The following PCNX3 variants were observed in gnomAD, a reference collection of about 807,000 sequenced individuals.
PCNX3 encodes the protein pecanex 3.
In PCNX3, 58 loss-of-function variants were observed where a neutral mutation model predicts 207.2. The ratio of observed to expected loss-of-function variants is 0.28; its 90% CI spans 0.23 to 0.35. PCNX3 has a LOEUF of 0.35. Among genes scored for constraint, PCNX3 ranks in the 10% least tolerant of loss-of-function variants. The pLI is 1.00. For synonymous variants in PCNX3, 1,337 were observed against 1,183.5 expected (o/e 1.13, Z -2.66); for missense variants, 2,410 against 2,774.4 (o/e 0.87, Z 2.95).
At chr11:65,624,655 G>T in intron 15 of PCNX3, 74 bp downstream of exon 15, 1 of 1,368,268 alleles carries the variant, frequency 7.3e-7, no homozygotes, top group Non-Finnish European at 1.0e-6. Flanking sequence ...TGGGTCCTTG[G>T]CTCCACCCTT....
In PCNX3 at chr11:65,619,837, C is replaced by CA; in HGVS notation, c.1914dup (p.Leu639ThrfsTer12). On this transcript the variant is annotated frameshift_variant, in exon 8 of 35. Coordinates refer to ENST00000355703, the MANE Select transcript of PCNX3 (RefSeq NM_032223.4). LOFTEE classifies it high-confidence loss of function. ...CCCTCTGCGCTGCATTTCGCCTCTTCACTGTTGCTCACCCGGGCCGGTGCC... is the reference window on the plus strand; with the variant it reads ...CCCTCTGCGCTGCATTTCGCCTCTTCAACTGTTGCTCACCCGGGCCGGTGCC... 6.2e-7 allele frequency: 1 copy of CA among 1,607,588 alleles called. No individual in the cohort carries two copies. Among genetic ancestry groups the CA allele is most frequent in the Non-Finnish European group, 8.5e-7 (1 of 1,179,018 alleles).
intron 29 of PCNX3, 30 bp downstream of exon 29, chr11:65,634,671 C>T: frequency 6.6e-7 from 1 of 1,522,596 alleles, no homozygotes; most frequent in East Asian, 2.4e-5. Context: ...GCGGGGCCTA[C>T]TGCCGTCCCC....
Position 65,619,574 on chromosome 11 carries a change from T to A in PCNX3, c.1743T>A (p.Ser581Arg). The change falls in exon 7 of 35, where the codon AGT becomes AGA. Residue 581 changes from serine to arginine, a missense_variant. Coordinates refer to ENST00000355703, the MANE Select transcript of PCNX3 (RefSeq NM_032223.4). ...CTGGCAGGCGGGACCGCTCAAGCAG[T>A]GTGAGGCGGACCCAGGCCATTCGGA... ...EETGRRDRSS[S>R]VRRTQAIRRR... 1 of 1,609,554 alleles carries A rather than the reference T, an allele frequency of 6.2e-7. No homozygotes were observed. The highest frequency in any genetic ancestry group is 8.5e-7 in the Non-Finnish European group (1 of 1,179,330).
chr11:65,636,766 G>T lies in PCNX3; in HGVS notation c.5893G>T (p.Ala1965Ser), dbSNP rs1159177203. 1.3e-6 allele frequency: 2 copies of T among 1,538,146 alleles called. No individual in the cohort carries two copies. ...SPKGGTPKSQ[A>S]PLDLSLSLSL... ...CGCCAACCTCTCCCCCCTCCCCCAG[G>T]CGCCTCTAGACCTCAGCCTCAGCCT... is the stretch of plus-strand genomic sequence containing the variant. Residue 1965 changes from alanine to serine, a missense_variant and splice_region_variant, in exon 35 of 35, where the codon GCG (alanine) becomes TCG (serine). By Grantham distance (99) the Ala-to-Ser change is moderately conservative. This residue lies in a region of PCNX3 where 278 missense variants were observed against 245.1 expected (regional missense o/e 1.13). Transcript: ENST00000355703.
chr11:65,623,468 C>G (rs767283262), intron 11 of PCNX3, 23 bp from the exon 12 acceptor site: 4 of 1,575,778 alleles, frequency 2.5e-6, no homozygotes, highest in Non-Finnish European at 3.4e-6. Flanking sequence ...GACGGGCACG[C>G]CCTGACTAGG....
Position 65,625,702 on chromosome 11 carries a change from C to T in PCNX3, c.3186C>T (p.Leu1062=). The T allele has an allele frequency of 6.2e-6, 10 of 1,612,134 alleles. No homozygotes were observed. The highest frequency in any genetic ancestry group is 8.5e-6 in the Non-Finnish European group (10 of 1,179,798). Residue 1062 remains leucine (L), a synonymous_variant, in exon 19 of 35, where the codon CTC becomes CTT. Coordinates refer to ENST00000355703, the MANE Select transcript of PCNX3 (RefSeq NM_032223.4). The surrounding 1 kb of genome is among the most constrained non-coding windows in gnomAD (Gnocchi z 5.6). ...DLVMCVVIAV[L]TFAISASTVF... is the part of the protein sequence containing the mutation. Reference sequence around the variant, plus strand: ...TGATGTGTGTGGTGATCGCCGTGCTCACCTTCGCCATCAGCGCCAGCACCG... The same window carrying T: ...TGATGTGTGTGGTGATCGCCGTGCTTACCTTCGCCATCAGCGCCAGCACCG...
In PCNX3 at chr11:65,634,583, G is replaced by T; in HGVS notation, c.4747G>T (p.Gly1583Cys). Residue 1583 changes from glycine (G) to cysteine (C), a missense_variant, in exon 29 of 35, where the codon GGC (glycine) becomes TGC (cysteine). Physicochemically the swap from Gly to Cys is radical, Grantham distance 159. Coordinates refer to ENST00000355703, the MANE Select transcript of PCNX3 (RefSeq NM_032223.4). ...WNSPLVTLCF[G>C]LCVLGRRALG... ...CTCCCCGCTGGTCACGCTGTGTTTT[G>T]GCCTGTGTGTGCTGGGCCGCCGGGC... The T allele has an allele frequency of 6.2e-7, 1 of 1,605,398 alleles. No individual in the cohort carries two copies.
chr11:65,624,936 C>G lies in PCNX3; in HGVS notation c.2839C>G (p.Pro947Ala). ...TCCCTTCCACACAGCTGCCACCAGC[C>G]CGCTCACGGCAGTCTTCAGCCTCTC... is the stretch of plus-strand genomic sequence containing the variant. ...HGFGGTAATS[P>A]LTAVFSLSRS... Residue 947 changes from proline (P) to alanine (A), a missense_variant, in exon 16 of 35, where the codon CCG becomes GCG. Around this residue, in one of 8 missense-constraint regions of PCNX3, gnomAD observed 333 missense variants for 386.8 expected, o/e 0.86. Transcript: ENST00000355703. 6.2e-7 allele frequency: 1 copy of G among 1,610,106 alleles called. No homozygotes were observed. The highest frequency in any genetic ancestry group is 8.5e-7 in the Non-Finnish European group (1 of 1,179,000).
chr11:65,624,165 G>C, intron 13 of PCNX3, 30 bp from the exon 14 acceptor site: 3 of 1,588,962 alleles, frequency 1.9e-6, no homozygotes, highest in Non-Finnish European at 2.6e-6. Context: ...CAGTCGGGGA[G>C]ACCCAGCTCC....
Position 65,629,345 on chromosome 11 carries a change from C to G in PCNX3, c.3942-12C>G, listed in dbSNP as rs1260921349. On this transcript the variant is annotated splice_polypyrimidine_tract_variant and intron_variant, in intron 24 of 34. Transcript: ENST00000355703. Reference sequence around the variant, plus strand: ...TCTTGGCCAACCGCCTTGTTGCACTCTCTCTGAACAGCACTAAACGTGTGG... The same window carrying G: ...TCTTGGCCAACCGCCTTGTTGCACTGTCTCTGAACAGCACTAAACGTGTGG... 1 of 1,608,552 alleles carries G rather than the reference C, an allele frequency of 6.2e-7. No individual in the cohort carries two copies. The highest frequency in any genetic ancestry group is 1.7e-5 in the Admixed American group (1 of 59,322).
chr11:65,616,955 C>G lies in PCNX3; in HGVS notation c.285C>G (p.Ser95Arg), dbSNP rs755126435. 8.7e-6 allele frequency: 14 copies of G among 1,613,310 alleles called. No individual in the cohort carries two copies. The Admixed American group carries it at 2.3e-4, about 27-fold the overall frequency. ...AGGGCGAGATCGTGGAGAAGCGCAG[C>G]TCTACCATGGGGGAGCTGGAGGAAG... Reference protein sequence around the residue: ...FDQGEIVEKRSSTMGELEEEP... With the variant: ...FDQGEIVEKRRSTMGELEEEP... Residue 95 changes from serine (S) to arginine (R), a missense_variant, in exon 2 of 35, where the codon AGC becomes AGG. This residue lies in a region of PCNX3 where 1,104 missense variants were observed against 970.3 expected (regional missense o/e 1.14). Transcript: ENST00000355703.
At chr11:65,621,472 C>T (rs1035961252) in intron 10 of PCNX3, among the ~76,000 whole-genome samples, 2 of 152,230 alleles carry the variant, frequency 1.3e-5, no homozygotes, top group African/African-American at 4.8e-5. Context: ...GCTAAAAATG[C>T]GTGAAACGCC....
intron 11 of PCNX3, among the ~76,000 whole-genome samples, chr11:65,622,662 C>T (rs966274886): frequency 6.6e-6 from 1 of 152,208 alleles, no homozygotes; most frequent in Non-Finnish European, 1.5e-5. Context: ...GTGGCATGAT[C>T]TCGGCTCACT....
rs759490324 is a variant in PCNX3, at chr11:65,619,675, A to C, written c.1829+15A>C. On this transcript the variant is annotated intron_variant, in intron 7 of 34. Transcript: ENST00000355703. ...TCGCCGCCCAGGTGAGCACCTTGCC[A>C]GCTGTGCCGAGGGGCACCGGGGGCC... The C allele has an allele frequency of 1.3e-5, 20 of 1,588,486 alleles. No individual in the cohort carries two copies. The Admixed American group carries it at 3.4e-4, about 27-fold the overall frequency.
Position 65,619,085 on chromosome 11 carries a change from A to G in PCNX3, c.1705+18A>G, listed in dbSNP as rs1462014069. The stretch of plus-strand genomic sequence containing the variant: ...GGGGGGAGGTGAGTGCTTGCTCTAG[A>G]GGCAGGGGCTGGGGGACGTGAGCTA... On this transcript the variant is annotated intron_variant, in intron 6 of 34. Transcript: ENST00000355703. The G allele has an allele frequency of 1.3e-6, 2 of 1,564,236 alleles. No homozygotes were observed. The highest frequency in any genetic ancestry group is 1.1e-5 in the South Asian group (1 of 88,216).
chr11:65,630,325 CCT>C, intron 26 of PCNX3, 24 bp from the exon 27 acceptor site: 1 of 1,609,258 alleles, frequency 6.2e-7, no homozygotes. Flanking sequence ...TCTAGCAGCC[CCT>C]GACTGCACAC....
rs905723575 is a variant in PCNX3 at position 65,621,064 on chromosome 11, G to A, written c.2235+98G>A. ...ATAGAGAGCTTGCCCAGGTGCCCCAGGAGGGACGGGCAGTGCTGAGTGAGC... is the reference window on the plus strand; with the variant it reads ...ATAGAGAGCTTGCCCAGGTGCCCCAAGAGGGACGGGCAGTGCTGAGTGAGC... On this transcript the variant is annotated intron_variant, in intron 10 of 34. Transcript: ENST00000355703. The A allele has an allele frequency of 2.1e-6, 3 of 1,436,762 alleles. No individual in the cohort carries two copies. In the African/African-American group the frequency reaches 4.3e-5, roughly 20 times the overall value. The allele number at this position is 1,436,762 out of a possible 1,614,324, so 89.0% of individuals were successfully genotyped here.
chr11:65,628,369 G>A (rs1278302395), intron 22 of PCNX3, among the ~76,000 whole-genome samples: 1 of 152,212 alleles, frequency 6.6e-6, no homozygotes, highest in Admixed American at 6.5e-5. Flanking sequence ...CAGGGTACTT[G>A]TGTGAACTAA....
chr11:65,616,274 G>A lies in PCNX3; in HGVS notation c.-38G>A, dbSNP rs1291668487. On this transcript the variant is annotated 5_prime_UTR_variant, in exon 1 of 35. Transcript: ENST00000355703. ...TGGGCCGGGGGCCGCCCCCATGAGG[G>A]TCCCGGGAGGGGGGGCGCGGGCAGC... 2.0e-6 allele frequency: 3 copies of A among 1,511,672 alleles called. No homozygotes were observed. Among genetic ancestry groups the A allele is most frequent in the Non-Finnish European group, 2.6e-6 (3 of 1,134,500 alleles). 93.6% of individuals were successfully genotyped at this position (1,511,672 alleles called of 1,614,324 possible). A position where few individuals can be genotyped will look rare whatever the true frequency, so the allele number is the denominator to read the frequency against.
Sources: gnomAD v4.1 joint callset for allele counts (sites outside exome capture counted in the v4.1 genomes callset) on GRCh38, gnomAD v4.1.1 for gene constraint, gnomAD v4.1.1 regional missense constraint, Gnocchi (gnomAD v3.1) non-coding constraint, MANE v1.5 for transcripts, NCBI Gene and HGNC (gene_info 2026-07-23, HGNC 2026-07-21) for gene names.